The following RAP1GAP variants were observed in gnomAD, a reference collection of about 807,000 sequenced individuals.
The protein encoded by RAP1GAP is RAP1 GTPase activating protein, also known as rap1 GTPase-activating protein 1.
In RAP1GAP, 35 loss-of-function variants were observed where a neutral mutation model predicts 87.2. The ratio of observed to expected loss-of-function variants is 0.40; its 90% confidence interval spans 0.31 to 0.53. RAP1GAP has a LOEUF of 0.53. Among genes scored for constraint, RAP1GAP ranks in the 20% least tolerant of loss-of-function variants. The pLI is 0.48. For missense variants in RAP1GAP, 734 were observed against 898.9 expected (o/e 0.82, Z 2.35); for synonymous variants, 375 against 363.9 (o/e 1.03, Z -0.35).
intron 20 of RAP1GAP, 66 bp from the exon 21 acceptor site, chr1:21,599,683 C>A: frequency 6.5e-7 from 1 of 1,549,788 alleles, no homozygotes; most frequent in Non-Finnish European, 8.7e-7. Flanking sequence ...GGCCCTCACT[C>A]CCTTGCCCTC....
At position 21,609,765 on chromosome 1, in the gene RAP1GAP, G is replaced by A; in HGVS notation, c.1000-119C>T. 2 of 739,538 alleles carry A rather than the reference G, an allele frequency of 2.7e-6. No individual in the cohort carries two copies. Among genetic ancestry groups the A allele is most frequent in the Non-Finnish European group, 4.3e-6 (2 of 465,288 alleles). The allele number at this position is 739,538 out of a possible 1,614,324, so 45.8% of individuals were successfully genotyped here. ...CCTTGGTCGGGGAGACCCAGTGACT[G>A]TGGGCTGGATGAATCTTTCTTCCAG... On this transcript the variant is annotated intron_variant, in intron 14 of 24. Coordinates refer to ENST00000374765, the MANE Select transcript of RAP1GAP (RefSeq NM_002885.4). This position sits in a 1 kb window ranked among gnomAD's most constrained non-coding sequence, Gnocchi z 4.4.
In RAP1GAP at chr1:21,603,227, C is replaced by A. The variant is rs369851666; in HGVS notation, c.1429-314G>T. 19 of 409,542 alleles carry A rather than the reference C, an allele frequency of 4.6e-5. No individual in the cohort carries two copies. Among genetic ancestry groups the A allele is most frequent in the African/African-American group, 1.8e-4 (9 of 49,440 alleles). 25.4% of individuals were successfully genotyped at this position (409,542 alleles called of 1,614,324 possible). ...TCAGAATGGCTACCGCTCCCCGCCC[C>A]CCAGGGCTCTGTGGGATCTGCAGCC... is the stretch of plus-strand genomic sequence containing the variant. On this transcript the variant is annotated intron_variant, in intron 18 of 24. Coordinates refer to ENST00000374765, the MANE Select transcript of RAP1GAP (RefSeq NM_002885.4). This position sits in a 1 kb window ranked among gnomAD's most constrained non-coding sequence, Gnocchi z 6.0.
rs1361905224 is a variant in RAP1GAP at position 21,603,987 on chromosome 1, G to A, written c.1429-1074C>T. 1.7e-6 allele frequency: 2 copies of A among 1,172,622 alleles called. No homozygotes were observed. Among genetic ancestry groups the A allele is most frequent in the East Asian group, 2.6e-5 (1 of 38,660 alleles). 72.6% of individuals were successfully genotyped at this position (1,172,622 alleles called of 1,614,324 possible). On this transcript the variant is annotated intron_variant, in intron 18 of 24. Coordinates refer to ENST00000374765, the MANE Select transcript of RAP1GAP (RefSeq NM_002885.4). The surrounding 1 kb of genome is among the most constrained non-coding windows in gnomAD (Gnocchi z 6.0). ...TCAGAGAGCAAGAGAGATGGTGGGAGGGAGACACAGAGAGGAGGAGAGGCA... is the reference window on the plus strand; with the variant it reads ...TCAGAGAGCAAGAGAGATGGTGGGAAGGAGACACAGAGAGGAGGAGAGGCA...
chr1:21,644,924 AAAAGAAAG>A (rs71671787), intron 2 of RAP1GAP, among the ~76,000 whole-genome samples: 1 of 147,442 alleles, frequency 6.8e-6, no homozygotes, highest in Non-Finnish European at 1.5e-5. Flanking sequence ...AAAAAAAGAG[AAAAGAAAG>A]AAAGAAAGAA....
At chr1:21,611,606 GC>G (rs747400999) in intron 12 of RAP1GAP, 25 bp from the exon 13 acceptor site, 1 of 1,613,928 alleles carries the variant, frequency 6.2e-7, no homozygotes, top group South Asian at 1.1e-5. Context: ...CCCAGGCCAC[GC>G]CTCAGTCTCC....
At chr1:21,658,685 C>T (rs1244159734) in intron 1 of RAP1GAP, among the ~76,000 whole-genome samples, 5 of 152,034 alleles carry the variant, frequency 3.3e-5, no homozygotes, top group Admixed American at 2.6e-4. Context: ...AGTTCGAGAC[C>T]GGCCTGGTAA....
intron 1 of RAP1GAP, among the ~76,000 whole-genome samples, chr1:21,666,300 C>T (rs1172094781): frequency 6.6e-6 from 1 of 152,204 alleles, no homozygotes; most frequent in African/African-American, 2.4e-5. Context: ...CCAGCTGGCC[C>T]CCAGCCTTGC....
In RAP1GAP at chr1:21,598,611, A is replaced by AC. The variant is rs1273181305; in HGVS notation, c.1777-110dup. The AC allele has an allele frequency of 8.7e-6, 8 of 915,918 alleles. No individual in the cohort carries two copies. In the Admixed American group the frequency reaches 1.7e-4, roughly 20 times the overall value. The allele number at this position is 915,918 out of a possible 1,614,324, so 56.7% of individuals were successfully genotyped here. A position where few individuals can be genotyped will look rare whatever the true frequency, so the allele number is the denominator to read the frequency against. On this transcript the variant is annotated intron_variant, in intron 21 of 24. Transcript: ENST00000374765. ...CTGCATTCCACAACCCCCCACCCGTACCCTCTGCGAGGAGGACGGGCCTAG... is the reference window on the plus strand; with the variant it reads ...CTGCATTCCACAACCCCCCACCCGTACCCCTCTGCGAGGAGGACGGGCCTAG...
chr1:21,616,136 AACACACACACACACACACACACACAC>A (rs58644324), intron 7 of RAP1GAP, among the ~76,000 whole-genome samples: 38 of 126,896 alleles, frequency 3.0e-4, no homozygotes, highest in African/African-American at 2.4e-4. Context: ...CCCTCTTCCC[AACACACACACACACACACACACACAC>A]ACACACACAC....
Position 21,641,627 on chromosome 1 carries a change from C to T in RAP1GAP, c.-113+8134G>A, listed in dbSNP as rs559281281. 7.9e-5 allele frequency among the ~76,000 whole-genome samples: 12 copies of T among 152,282 alleles called. No individual in the cohort carries two copies. In the South Asian group the frequency reaches 8.3e-4, roughly 11 times the overall value. On this transcript the variant is annotated intron_variant, in intron 2 of 24. Transcript: ENST00000374765. Reference sequence around the variant, plus strand: ...AGTACCTGGCATGTGGTAGGAACTCCGTAAGTATTTGTTGAATTAACGAGT... The same window carrying T: ...AGTACCTGGCATGTGGTAGGAACTCTGTAAGTATTTGTTGAATTAACGAGT...
At chr1:21,623,706 G>A (rs187908838) in intron 3 of RAP1GAP, among the ~76,000 whole-genome samples, 4 of 152,370 alleles carry the variant, frequency 2.6e-5, no homozygotes, top group Non-Finnish European at 4.4e-5. Context: ...CAGACACGGT[G>A]TAGCTTTGGT....
At chr1:21,601,819 CG>C in intron 19 of RAP1GAP, 22 bp from the exon 20 acceptor site, 3 of 1,537,404 alleles carry the variant, frequency 2.0e-6, no homozygotes, top group East Asian at 2.3e-5. Context: ...ACGGGGGCAG[CG>C]GGGGGATTCA....
rs1558687659 is a variant in RAP1GAP at position 21,614,072 on chromosome 1, G to A, written c.309C>T (p.Tyr103=). Residue 103 remains tyrosine, a synonymous_variant, in exon 8 of 25, where the codon TAC becomes TAT. Coordinates refer to ENST00000374765, the MANE Select transcript of RAP1GAP (RefSeq NM_002885.4). The part of the protein sequence containing the change: ...HFLGKEHFNY[Y]SLDAALGHLV... ...GGTGGCCGAGGGCAGCGTCCAGTGAGTAGTAATTGAAATGCTCCTGCAGTG... is the reference window on the plus strand; with the variant it reads ...GGTGGCCGAGGGCAGCGTCCAGTGAATAGTAATTGAAATGCTCCTGCAGTG... The A allele has an allele frequency of 2.5e-6, 4 of 1,606,268 alleles. No homozygotes were observed. Among genetic ancestry groups the A allele is most frequent in the Non-Finnish European group, 3.4e-6 (4 of 1,174,414 alleles).
At chr1:21,655,678 A>T (rs1426843041) in intron 1 of RAP1GAP, among the ~76,000 whole-genome samples, 28 of 152,210 alleles carry the variant, frequency 1.8e-4, no homozygotes, top group Admixed American at 1.8e-3. Flanking sequence ...CTCTGAGAGG[A>T]AGCCTCCCCT....
intron 2 of RAP1GAP, among the ~76,000 whole-genome samples, chr1:21,638,471 AAG>A (rs1491431136): frequency 2.0e-5 from 3 of 150,778 alleles, no homozygotes; most frequent in South Asian, 2.1e-4. Context: ...AAAAAAAAAA[AAG>A]AGAGAGAGAA....
At chr1:21,611,285 G>T (rs1330770958) in intron 13 of RAP1GAP, among the ~76,000 whole-genome samples, 167 bp downstream of exon 13, 1 of 152,212 alleles carries the variant, frequency 6.6e-6, no homozygotes, top group African/African-American at 2.4e-5. Context: ...TAGAAACCAA[G>T]GCTTTCTGTC....
intron 2 of RAP1GAP, among the ~76,000 whole-genome samples, chr1:21,627,693 G>A (rs1043435645): frequency 3.9e-5 from 6 of 151,962 alleles, no homozygotes; most frequent in African/African-American, 1.2e-4. Flanking sequence ...GAGATTATAG[G>A]TGTGAGCCAC....
At position 21,606,074 on chromosome 1, in the gene RAP1GAP, C is replaced by G; in HGVS notation, c.1420G>C (p.Ala474Pro). The G allele has an allele frequency of 1.3e-6, 2 of 1,582,294 alleles. No homozygotes were observed. The highest frequency in any genetic ancestry group is 1.2e-5 in the South Asian group (1 of 86,548). The change falls in exon 18 of 25, where the codon GCT becomes CCT. Residue 474 changes from alanine (A) to proline (P), a missense_variant. Transcript: ENST00000374765. ...AGGGGGAGGGCACTCACTATTCCAG[C>G]CGCCTTGGCCAGGTCGGGGTTGTTG... is the stretch of plus-strand genomic sequence containing the variant. ...APNNPDLAKA[A>P]GISLIVPGKS...
intron 1 of RAP1GAP, among the ~76,000 whole-genome samples, chr1:21,662,137 G>T (rs2097175488): frequency 2.0e-5 from 3 of 152,170 alleles, no homozygotes; most frequent in Admixed American, 6.5e-5. Context: ...CACAGGTGCT[G>T]GGTCTCAGAA....
Sources: allele counts gnomAD v4.1 joint callset (sites outside exome capture counted in the v4.1 genomes callset), GRCh38; gene constraint gnomAD v4.1.1; non-coding constraint Gnocchi (gnomAD v3.1); transcripts MANE v1.5; gene names NCBI Gene and HGNC (gene_info 2026-07-23, HGNC 2026-07-21).